The following ANO3 variants were observed in gnomAD, a reference collection of about 807,000 sequenced individuals.
ANO3 encodes anoctamin-3.
In ANO3, 99 loss-of-function variants were observed where a neutral mutation model predicts 144.8. The ratio of observed to expected loss-of-function variants is 0.68; its 90% CI spans 0.58 to 0.81. The LOEUF is 0.81. Among genes scored for constraint, ANO3 ranks in the 30% least tolerant of loss-of-function variants. The probability of loss-of-function intolerance (pLI) is 0.00; values close to 1 mark genes in which losing one functional copy is unlikely to be tolerated. For missense variants in ANO3, 905 were observed against 1,202.2 expected, an observed-to-expected ratio of 0.75 and a Z score of 3.66; for synonymous variants, 414 against 392.6, an observed-to-expected ratio of 1.05 and a Z score of -0.64.
At chr11:26,277,885 C>A (rs1853592474) in intron 1 of ANO3, among the ~76,000 whole-genome samples, 1 of 151,938 alleles carries the variant, frequency 6.6e-6, no homozygotes, top group Non-Finnish European at 1.5e-5. Context: ...GTAAAGATAT[C>A]TTTATGAATA....
chr11:26,456,411 G>A (rs932350792), intron 3 of ANO3, among the ~76,000 whole-genome samples: 9 of 151,958 alleles, frequency 5.9e-5, no homozygotes, highest in East Asian at 1.9e-4. Flanking sequence ...AAATGTGGGC[G>A]AAGGACATGA....
At chr11:26,250,861 T>C (rs1852912615) in intron 1 of ANO3, among the ~76,000 whole-genome samples, 3 of 152,308 alleles carry the variant, frequency 2.0e-5, no homozygotes, top group Non-Finnish European at 2.9e-5. Flanking sequence ...ATGCATTTAG[T>C]ACATCTACCT....
chr11:26,509,590 G>A (rs1861575690), intron 5 of ANO3, among the ~76,000 whole-genome samples: 1 of 152,118 alleles, frequency 6.6e-6, no homozygotes, highest in Non-Finnish European at 1.5e-5. Context: ...TGGGATAACA[G>A]GCGTGAGCTC....
chr11:26,384,554 A>G (rs558690452), intron 1 of ANO3, among the ~76,000 whole-genome samples: 2 of 152,252 alleles, frequency 1.3e-5, no homozygotes, highest in East Asian at 1.9e-4. Flanking sequence ...TCAAGGCCCA[A>G]TTCTCATGTT....
chr11:26,225,733 C>A (rs1291892780), intron 1 of ANO3, among the ~76,000 whole-genome samples: 1 of 152,146 alleles, frequency 6.6e-6, no homozygotes, highest in Non-Finnish European at 1.5e-5. Flanking sequence ...AGGCTAATTT[C>A]TCAGGCTTCT....
intron 1 of ANO3, among the ~76,000 whole-genome samples, chr11:26,217,018 G>A (rs1264177088): frequency 2.0e-5 from 3 of 151,944 alleles, no homozygotes; most frequent in Admixed American, 2.0e-4. Flanking sequence ...TGTAGCTTAT[G>A]CTTTCATTCT....
chr11:26,544,328 G>A (rs1479929383), intron 11 of ANO3, among the ~76,000 whole-genome samples: 4 of 131,832 alleles, frequency 3.0e-5, no homozygotes, highest in African/African-American at 1.1e-4. Flanking sequence ...TTCTTTACCT[G>A]TAAGCCAAGG....
intron 1 of ANO3, among the ~76,000 whole-genome samples, chr11:26,293,533 G>GTGTA (rs1854012292): frequency 1.2e-4 from 3 of 25,952 alleles, no homozygotes; most frequent in African/African-American, 4.1e-4. Flanking sequence ...TAAATTCCAT[G>GTGTA]TATATATATA....
chr11:26,570,874 A>C (rs1272649991), intron 14 of ANO3, among the ~76,000 whole-genome samples: 1 of 152,140 alleles, frequency 6.6e-6, no homozygotes, highest in East Asian at 1.9e-4. Context: ...CCTTCTAAAA[A>C]TGCCTCTTTT....
At chr11:26,376,115 A>G (rs1856398822) in intron 1 of ANO3, among the ~76,000 whole-genome samples, 1 of 152,200 alleles carries the variant, frequency 6.6e-6, no homozygotes, top group African/African-American at 2.4e-5. Context: ...TTCACATTTC[A>G]TCTTGAATGT....
rs967734203 is a variant in ANO3 at position 26,319,456 on chromosome 11, A to G, written c.-3+9737A>G. Among the ~76,000 whole-genome samples, 7 of 152,304 alleles carry G rather than the reference A, an allele frequency of 4.6e-5. No homozygotes were observed. In the East Asian group the frequency reaches 5.8e-4, roughly 13 times the overall value. ...ATGGTAGGATAAACCATCATTAACT[A>G]TATCGTTGGGTATTAATTTTGTCTC... is the stretch of plus-strand genomic sequence containing the variant. On this transcript the variant is annotated intron_variant, in intron 1 of 26. Transcript: ENST00000525139.
intron 1 of ANO3, among the ~76,000 whole-genome samples, chr11:26,338,144 G>A (rs1476669860): frequency 6.6e-6 from 1 of 151,712 alleles, no homozygotes; most frequent in African/African-American, 2.4e-5. Context: ...AAAAACAACA[G>A]TAGAAGCTAA....
chr11:26,358,170 CT>C (rs34078380), intron 1 of ANO3, among the ~76,000 whole-genome samples: 18 of 119,654 alleles, frequency 1.5e-4, no homozygotes, highest in African/African-American at 3.7e-4. Flanking sequence ...ACAATTTCAA[CT>C]TTTTTTTTTT....
At chr11:26,218,111 G>A (rs11603054) in intron 1 of ANO3, among the ~76,000 whole-genome samples, 45,803 of 151,788 alleles carry the variant, frequency 0.3, 7,606 homozygotes, top group Non-Finnish European at 0.37. Flanking sequence ...AAGTGAGGTA[G>A]CATTCTTTTA....
chr11:26,248,813 C>G (rs569400629), intron 1 of ANO3, among the ~76,000 whole-genome samples: 1 of 152,138 alleles, frequency 6.6e-6, no homozygotes, highest in African/African-American at 2.4e-5. Context: ...AGGAACCATA[C>G]GCACACAGCA....
intron 1 of ANO3, among the ~76,000 whole-genome samples, chr11:26,257,931 T>C (rs1040445287): frequency 3.9e-5 from 6 of 152,132 alleles, no homozygotes; most frequent in African/African-American, 1.4e-4. Context: ...CAGAAAAATT[T>C]ACATAGCTTT....
intron 5 of ANO3, among the ~76,000 whole-genome samples, chr11:26,510,093 C>T (rs1590436494): frequency 7.2e-6 from 1 of 138,368 alleles, no homozygotes; most frequent in Admixed American, 7.9e-5. Flanking sequence ...GAGATCATGC[C>T]ACTGCACTCC....
chr11:26,421,012 G>C (rs1381175), intron 1 of ANO3, among the ~76,000 whole-genome samples: 13,805 of 151,970 alleles, frequency 0.091, 1,273 homozygotes, highest in African/African-American at 0.24. Context: ...GTTTGTTTCA[G>C]GTTCTAACAC....
intron 1 of ANO3, among the ~76,000 whole-genome samples, chr11:26,241,696 A>G (rs1205168918): frequency 6.6e-6 from 1 of 152,206 alleles, no homozygotes; most frequent in Non-Finnish European, 1.5e-5. Flanking sequence ...TAATATAATA[A>G]TTTTAAAGCT....
Sources: allele counts gnomAD v4.1 joint callset (sites outside exome capture counted in the v4.1 genomes callset), GRCh38; gene constraint gnomAD v4.1.1; transcripts MANE v1.5; gene names NCBI Gene and HGNC (gene_info 2026-07-23, HGNC 2026-07-21).